RHOU: variants seen among roughly 807,000 people sequenced by gnomAD.
RHOU encodes the protein rho-related GTP-binding protein RhoU.
In RHOU, 8 loss-of-function variants were observed where a neutral mutation model predicts 12.6. The observed-to-expected ratio is 0.64, with a 90% CI of 0.37 to 1.15. The LOEUF (loss-of-function observed/expected upper bound fraction) is 1.15, where lower values mean the gene tolerates loss of function less well. Among genes scored for constraint, RHOU ranks in the 50% most tolerant of loss-of-function variants. The pLI is 0.01. For synonymous variants in RHOU, 161 were observed against 147.4 expected, an observed-to-expected ratio of 1.09 and a Z score of -0.67; for missense variants, 258 against 347.0, an observed-to-expected ratio of 0.74 and a Z score of 2.04.
chr1:228,723,283 G>A, the RHOU span, among the ~76,000 whole-genome samples: 2 of 152,238 alleles, frequency 1.3e-5, no homozygotes, highest in East Asian at 1.9e-4. Flanking sequence ...CAGAGACAGA[G>A]GGAGGGGGCT....
the RHOU span, among the ~76,000 whole-genome samples, chr1:228,688,613 G>A: frequency 1.3e-5 from 2 of 152,288 alleles, no homozygotes; most frequent in East Asian, 1.9e-4. Flanking sequence ...GCTGATTTGT[G>A]TTCTAGCCCA....
chr1:228,679,644 T>G, the RHOU span, among the ~76,000 whole-genome samples: 1 of 152,064 alleles, frequency 6.6e-6, no homozygotes, highest in Admixed American at 6.5e-5. Flanking sequence ...GGAGAGTTTA[T>G]AGGCTTTAAA....
the RHOU span, among the ~76,000 whole-genome samples, chr1:228,718,105 A>G: frequency 6.6e-6 from 1 of 152,226 alleles, no homozygotes; most frequent in Non-Finnish European, 1.5e-5. Flanking sequence ...CACTTAAATT[A>G]GAGATCATAA....
At position 228,743,513 on chromosome 1, in the gene RHOU, C is replaced by T. The variant is rs151095193; in HGVS notation, c.550C>T (p.Pro184Ser). The change falls in exon 3 of 3, where the codon CCT becomes TCT. Residue 184 changes from proline to serine, a missense_variant. Transcript: ENST00000366691. This position sits in a 1 kb window ranked among gnomAD's most constrained non-coding sequence, Gnocchi z 5.1. The stretch of plus-strand genomic sequence containing the variant: ...GGACAAATGCAAAGAAAAGCCAGTG[C>T]CTGAAGAGGCGGCTAAGCTGTGCGC... ...ELDKCKEKPV[P>S]EEAAKLCAEE... The T allele has an allele frequency of 1.2e-6, 2 of 1,614,064 alleles. No homozygotes were observed. The highest frequency in any genetic ancestry group is 1.7e-6 in the Non-Finnish European group (2 of 1,180,052).
At chr1:228,687,886 C>G in the RHOU span, 31 of 864,786 alleles carry the variant, frequency 3.6e-5, no homozygotes, top group South Asian at 4.0e-4. Flanking sequence ...CAAGAGTTAT[C>G]CCTTTCTAAC....
chr1:228,735,594 C>G lies in RHOU; in HGVS notation c.-149C>G, dbSNP rs1662584139. ...CTCCCTGGCCGCCTTTGTCTACTGGCCGTGCGGCCCGGAACCGCCACTCTC... is the reference window on the plus strand; with the variant it reads ...CTCCCTGGCCGCCTTTGTCTACTGGGCGTGCGGCCCGGAACCGCCACTCTC... On this transcript the variant is annotated 5_prime_UTR_variant, in exon 1 of 3. Coordinates refer to ENST00000366691, the MANE Select transcript of RHOU (RefSeq NM_021205.6). The surrounding 1 kb of genome is among the most constrained non-coding windows in gnomAD (Gnocchi z 8.1). The G allele has an allele frequency of 7.7e-6, 4 of 521,732 alleles. No individual in the cohort carries two copies. In the South Asian group the frequency reaches 3.9e-4, roughly 50 times the overall value. 32.3% of individuals were successfully genotyped at this position (521,732 alleles called of 1,614,324 possible). A position where few individuals can be genotyped will look rare whatever the true frequency, so the allele number is the denominator to read the frequency against.
At chr1:228,650,095 T>C in the RHOU span, 6 of 422,276 alleles carry the variant, frequency 1.4e-5, no homozygotes, top group South Asian at 8.6e-5. Flanking sequence ...GAAAGAACTC[T>C]AACAGGTACT....
the RHOU span, among the ~76,000 whole-genome samples, chr1:228,722,954 C>T: frequency 6.6e-6 from 1 of 152,150 alleles, no homozygotes; most frequent in African/African-American, 2.4e-5. Flanking sequence ...ACTCAAGACC[C>T]AATGCTCCAG....
rs766415557 is a variant in RHOU at position 228,737,660 on chromosome 1, T to G, written c.263-13T>G. On this transcript the variant is annotated splice_polypyrimidine_tract_variant and intron_variant, in intron 1 of 2. Coordinates refer to ENST00000366691, the MANE Select transcript of RHOU (RefSeq NM_021205.6). This position sits in a 1 kb window ranked among gnomAD's most constrained non-coding sequence, Gnocchi z 4.1. ...AGACACCTCCTGATTGTCATTTTGG[T>G]TTTGTTTTTAAGCGGTGGTGTCTGT... 1.9e-6 allele frequency: 3 copies of G among 1,613,928 alleles called. No individual in the cohort carries two copies. The highest frequency in any genetic ancestry group is 2.5e-6 in the Non-Finnish European group (3 of 1,179,922).
the RHOU span, among the ~76,000 whole-genome samples, chr1:228,707,253 ATAGTGTGTGT>A: frequency 0.016 from 1,240 of 77,008 alleles, 25 homozygotes; most frequent in African/African-American, 0.064. Context: ...ATATATATAT[ATAGTGTGTGT>A]GTGTGTGTGT....
intron 2 of RHOU, among the ~76,000 whole-genome samples, chr1:228,741,947 G>T (rs1465065402): frequency 6.6e-6 from 1 of 152,212 alleles, no homozygotes; most frequent in Non-Finnish European, 1.5e-5. Context: ...GAAACATGGG[G>T]CCTCAAATGA....
the RHOU span, among the ~76,000 whole-genome samples, chr1:228,714,738 A>ATTTTTTT: frequency 1.2e-5 from 1 of 84,796 alleles, no homozygotes; most frequent in Non-Finnish European, 2.4e-5. Context: ...TTTGTTAATT[A>ATTTTTTT]TCTTTTTTTT....
Position 228,743,560 on chromosome 1 carries a change from C to G in RHOU, c.597C>G (p.Ser199=). 2 of 1,614,134 alleles carry G rather than the reference C, an allele frequency of 1.2e-6. No individual in the cohort carries two copies. The highest frequency in any genetic ancestry group is 1.7e-6 in the Non-Finnish European group (2 of 1,180,020). Residue 199 remains serine (S), a synonymous_variant, in exon 3 of 3, where the codon TCC becomes TCG. Transcript: ENST00000366691. This position sits in a 1 kb window ranked among gnomAD's most constrained non-coding sequence, Gnocchi z 5.1. ...KLCAEEIKAA[S]YIECSALTQK... ...GCGCCGAGGAAATCAAAGCCGCCTCCTACATCGAGTGTTCAGCCTTGACTC... is the reference window on the plus strand; with the variant it reads ...GCGCCGAGGAAATCAAAGCCGCCTCGTACATCGAGTGTTCAGCCTTGACTC...
chr1:228,716,344 G>A, the RHOU span, among the ~76,000 whole-genome samples: 5 of 152,074 alleles, frequency 3.3e-5, no homozygotes, highest in African/African-American at 1.2e-4. Context: ...CACAACTCAA[G>A]TTGTCTCTGT....
chr1:228,688,215 G>A, the RHOU span, among the ~76,000 whole-genome samples: 2 of 152,138 alleles, frequency 1.3e-5, no homozygotes, highest in Non-Finnish European at 2.9e-5. Context: ...ACCCTAACCT[G>A]TTACAGCTCT....
chr1:228,711,930 C>T, the RHOU span, among the ~76,000 whole-genome samples: 1 of 138,926 alleles, frequency 7.2e-6, no homozygotes, highest in African/African-American at 2.7e-5. Context: ...GGCTAATATC[C>T]AGAATCTACA....
At chr1:228,650,625 G>A in the RHOU span, 1 of 448,370 alleles carries the variant, frequency 2.2e-6, no homozygotes, top group Non-Finnish European at 4.4e-6. Context: ...GGGGATATGA[G>A]ACCTTCTTCC....
chr1:228,676,780 G>A, the RHOU span, among the ~76,000 whole-genome samples: 1 of 152,092 alleles, frequency 6.6e-6, no homozygotes, highest in Non-Finnish European at 1.5e-5. Context: ...CAAGGGTGGG[G>A]AGAATTACAA....
At chr1:228,713,053 C>T in the RHOU span, among the ~76,000 whole-genome samples, 4 of 151,394 alleles carry the variant, frequency 2.6e-5, no homozygotes, top group East Asian at 7.8e-4. Context: ...TTTTAAGGTA[C>T]ATATTTGGTG....
Sources: gnomAD v4.1 joint callset for allele counts (sites outside exome capture counted in the v4.1 genomes callset) on GRCh38, gnomAD v4.1.1 for gene constraint, Gnocchi (gnomAD v3.1) non-coding constraint, MANE v1.5 for transcripts, NCBI Gene and HGNC (gene_info 2026-07-23, HGNC 2026-07-21) for gene names.